The following MYZAP variants were observed in gnomAD, a reference collection of about 807,000 sequenced individuals.
The protein encoded by MYZAP is GRINL1A complex locus upstream.
A neutral mutation model predicts 69.4 loss-of-function variants in MYZAP; 66 were observed. The ratio of observed to expected loss-of-function variants is 0.95; its 90% CI spans 0.78 to 1.17. The LOEUF is 1.17. Ranked by LOEUF, MYZAP falls within the 50% of genes most tolerant of loss-of-function variation. The pLI is 0.00. For missense variants in MYZAP, 611 were observed against 556.2 expected, an observed-to-expected ratio of 1.10 and a Z score of -0.99; for synonymous variants, 256 against 205.9, an observed-to-expected ratio of 1.24 and a Z score of -2.09.
intron 2 of MYZAP, among the ~76,000 whole-genome samples, chr15:57,612,655 C>G (rs1015061694): frequency 6.6e-6 from 1 of 152,190 alleles, no homozygotes; most frequent in Non-Finnish European, 1.5e-5. Flanking sequence ...CTTGTTAACG[C>G]AGACTCTTCA....
At chr15:57,646,598 T>G in intron 10 of MYZAP, 4 of 998,240 alleles carry the variant, frequency 4.0e-6, no homozygotes, top group Non-Finnish European at 4.8e-6. Context: ...GAAGAGAGCT[T>G]GAAGAATGTT....
At chr15:57,599,713 G>C (rs767476437) in intron 1 of MYZAP, 1 of 1,288,688 alleles carries the variant, frequency 7.8e-7, no homozygotes, top group South Asian at 1.2e-5. Context: ...GGTAAGGAAT[G>C]CTGCCTTGAT....
intron 1 of MYZAP, among the ~76,000 whole-genome samples, chr15:57,601,906 C>G (rs1351715752): frequency 2.0e-5 from 3 of 152,086 alleles, no homozygotes; most frequent in African/African-American, 7.2e-5. Context: ...TTAGAGGTGC[C>G]TGGTAGCAAA....
chr15:57,683,442 A>G (rs1041281945), intron 12 of MYZAP, among the ~76,000 whole-genome samples: 1 of 152,208 alleles, frequency 6.6e-6, no homozygotes, highest in Non-Finnish European at 1.5e-5. Context: ...CTAACACAGT[A>G]CATGAAAATT....
rs184468165 is a variant in MYZAP at position 57,615,319 on chromosome 15, T to C, written c.163-2714T>C. 8.0e-3 allele frequency among the ~76,000 whole-genome samples: 1,221 copies of C among 152,302 alleles called. 11 individuals carry two copies. The highest frequency in any genetic ancestry group is 0.045 in the South Asian group (218 of 4,826). Reference sequence around the variant, plus strand: ...TCAAACAAAAAATGAAAATTTGAAATTTATGATTTTTCACTCAGTGTATCT... The same window carrying C: ...TCAAACAAAAAATGAAAATTTGAAACTTATGATTTTTCACTCAGTGTATCT... On this transcript the variant is annotated intron_variant, in intron 2 of 12. Coordinates refer to ENST00000267853, the MANE Select transcript of MYZAP (RefSeq NM_001018100.5).
chr15:57,661,494 A>G lies in MYZAP; in HGVS notation c.1164A>G (p.Ile388Met), dbSNP rs747515435. The change falls in exon 11 of 13, where the codon ATA becomes ATG. Residue 388 changes from isoleucine (I) to methionine (M), a missense_variant. Coordinates refer to ENST00000267853, the MANE Select transcript of MYZAP (RefSeq NM_001018100.5). ...KKKLQQKQLL[I>M]LQLLEKISFL... ...AGTTGCAACAGAAACAGCTCTTAAT[A>G]CTGCAGCTTTTAGAAAAGATATCTT... is the stretch of plus-strand genomic sequence containing the variant. 2.5e-6 allele frequency: 4 copies of G among 1,609,878 alleles called. No homozygotes were observed. In the South Asian group the frequency reaches 3.3e-5, roughly 13 times the overall value.
At position 57,625,823 on chromosome 15, in the gene MYZAP, C is replaced by A. The variant is rs780392989; in HGVS notation, c.456C>A (p.Thr152=). ...AGTATCTGGAGAATCACATCCAAAC[C>A]CAGTCGTCTGCCCTGGATCGTTTTA... ...QQEYLENHIQ[T]QSSALDRFNA... Residue 152 remains threonine (T), a synonymous_variant, in exon 5 of 13, where the codon ACC becomes ACA. Coordinates refer to ENST00000267853, the MANE Select transcript of MYZAP (RefSeq NM_001018100.5). 3 of 1,614,144 alleles carry A rather than the reference C, an allele frequency of 1.9e-6. No individual in the cohort carries two copies. Among genetic ancestry groups the A allele is most frequent in the Non-Finnish European group, 2.5e-6 (3 of 1,180,028 alleles).
intron 4 of MYZAP, among the ~76,000 whole-genome samples, chr15:57,622,483 G>A (rs2035877883): frequency 6.6e-6 from 1 of 152,004 alleles, no homozygotes; most frequent in Non-Finnish European, 1.5e-5. Flanking sequence ...GCAACGAGAG[G>A]GAGTAGCCTT....
intron 10 of MYZAP, among the ~76,000 whole-genome samples, chr15:57,652,882 CT>C (rs1260139849): frequency 1.3e-5 from 2 of 152,160 alleles, no homozygotes; most frequent in Non-Finnish European, 2.9e-5. Flanking sequence ...TAAATTTCCC[CT>C]GAAAAGGCTG....
intron 10 of MYZAP, chr15:57,646,348 G>T: frequency 8.4e-7 from 1 of 1,187,110 alleles, no homozygotes; most frequent in Non-Finnish European, 1.1e-6. Context: ...ATTTGACCAT[G>T]TGGGGCTCTT....
intron 1 of MYZAP, chr15:57,599,830 T>A: frequency 1.6e-6 from 1 of 612,512 alleles, no homozygotes; most frequent in Non-Finnish European, 2.7e-6. Flanking sequence ...TTACTGTCCT[T>A]AGTGCTTCTG....
At chr15:57,652,490 C>T (rs2037778350) in intron 10 of MYZAP, among the ~76,000 whole-genome samples, 1 of 152,140 alleles carries the variant, frequency 6.6e-6, no homozygotes, top group African/African-American at 2.4e-5. Context: ...TACGATGTTA[C>T]AGGACTTCCA....
chr15:57,655,255 C>A (rs2037952045), intron 10 of MYZAP, among the ~76,000 whole-genome samples: 1 of 152,094 alleles, frequency 6.6e-6, no homozygotes, highest in Non-Finnish European at 1.5e-5. Flanking sequence ...AGCCACCAGC[C>A]TGTGTGTTCA....
At chr15:57,661,392 C>A (rs993240259) in intron 10 of MYZAP, 58 bp from the exon 11 acceptor site, 1 of 1,295,120 alleles carries the variant, frequency 7.7e-7, no homozygotes, top group Non-Finnish European at 1.1e-6. Flanking sequence ...AGTTGATAAA[C>A]CTGTACTTAC....
chr15:57,613,506 G>A (rs2035244935), intron 2 of MYZAP, among the ~76,000 whole-genome samples: 1 of 151,964 alleles, frequency 6.6e-6, no homozygotes, highest in African/African-American at 2.4e-5. Flanking sequence ...AAGAAGCTGG[G>A]ACTACAGGCA....
chr15:57,592,787 G>A (rs2033766032), intron 1 of MYZAP, among the ~76,000 whole-genome samples: 1 of 152,148 alleles, frequency 6.6e-6, no homozygotes, highest in African/African-American at 2.4e-5. Context: ...CTCTCCAGAT[G>A]CTCTGTAAAA....
chr15:57,605,310 G>A (rs1429696533), intron 2 of MYZAP, among the ~76,000 whole-genome samples: 2 of 152,142 alleles, frequency 1.3e-5, no homozygotes, highest in African/African-American at 2.4e-5. Context: ...AGTAAAAGAA[G>A]GGGTAGGGGT....
intron 3 of MYZAP, among the ~76,000 whole-genome samples, chr15:57,620,945 A>T (rs892232878): frequency 2.7e-5 from 4 of 150,154 alleles, no homozygotes; most frequent in African/African-American, 9.8e-5. Context: ...GCTAATTAAT[A>T]TTTATTATGA....
rs185148656 is a variant in MYZAP at position 57,638,393 on chromosome 15, A to T, written c.1013+619A>T. 3.9e-5 allele frequency among the ~76,000 whole-genome samples: 6 copies of T among 152,286 alleles called. No individual in the cohort carries two copies. In the East Asian group the frequency reaches 1.2e-3, roughly 29 times the overall value. ...TCTTTAAACGGGGGAGACGGGTATGACGGTGATAACAGTGCCCATCTCACT... is the reference window on the plus strand; with the variant it reads ...TCTTTAAACGGGGGAGACGGGTATGTCGGTGATAACAGTGCCCATCTCACT... On this transcript the variant is annotated intron_variant, in intron 9 of 12. Coordinates refer to ENST00000267853, the MANE Select transcript of MYZAP (RefSeq NM_001018100.5).
Sources: gnomAD v4.1 joint callset for allele counts (sites outside exome capture counted in the v4.1 genomes callset) on GRCh38, gnomAD v4.1.1 for gene constraint, MANE v1.5 for transcripts, NCBI Gene and HGNC (gene_info 2026-07-23, HGNC 2026-07-21) for gene names.